ZFHX4: variants seen among roughly 807,000 people sequenced by gnomAD.
ZFHX4 encodes the protein zinc finger homeobox protein 4.
ZFHX4 carries 56 observed loss-of-function variants against 267.6 expected under a neutral mutation model. That is an observed-to-expected ratio of 0.21 (90% CI 0.17 to 0.26). The LOEUF is 0.26. ZFHX4 is among the 10% of genes least tolerant of loss of function. The pLI, the probability that ZFHX4 is intolerant of heterozygous loss-of-function variation, is 1.00. For synonymous variants in ZFHX4, 1,778 were observed against 1,665.6 expected (o/e 1.07, Z -1.64); for missense variants, 4,332 against 4,420.0 (o/e 0.98, Z 0.56).
rs979155259 is a variant in ZFHX4, at chr8:76,864,435, C to G, written c.10721C>G (p.Ser3574Ter). ...VQTSLPTESCSDESDSELSQK... is the reference protein window; with the variant it reads ...VQTSLPTESC ...ACCTCACTACCCACAGAAAGTTGTT[C>G]AGATGAGTCTGACAGTGAGCTGAGC... The change falls in exon 11 of 11, where the codon TCA becomes TGA. Residue 3574 changes from serine to a stop codon, truncating the protein, a stop_gained. Coordinates refer to ENST00000651372, the MANE Select transcript of ZFHX4 (RefSeq NM_024721.5). LOFTEE classifies it high-confidence loss of function. 2 of 1,613,556 alleles carry G rather than the reference C, an allele frequency of 1.2e-6. No individual in the cohort carries two copies. Among genetic ancestry groups the G allele is most frequent in the Admixed American group, 1.7e-5 (1 of 59,954 alleles).
Position 76,847,852 on chromosome 8 carries a change from A to T in ZFHX4, c.3512-1143A>T, listed in dbSNP as rs572691143. On this transcript the variant is annotated intron_variant, in intron 6 of 10. Transcript: ENST00000651372. ...GTTCATTCATATGAACCGTATGTGG[A>T]TTGAAAAAAAATCAAGATAAATCTT... Among the ~76,000 whole-genome samples, 26 of 152,122 alleles carry T rather than the reference A, an allele frequency of 1.7e-4. No homozygotes were observed. In the South Asian group the frequency reaches 5.4e-3, roughly 32 times the overall value.
intron 2 of ZFHX4, 78 bp from the exon 3 acceptor site, chr8:76,707,468 G>A (rs1006650253): frequency 7.6e-7 from 1 of 1,316,308 alleles, no homozygotes; most frequent in African/African-American, 1.5e-5. Flanking sequence ...TCCTTGTCAA[G>A]ACTTTATTTT....
chr8:76,691,886 A>G (rs1368849), intron 1 of ZFHX4, among the ~76,000 whole-genome samples: 17,218 of 152,158 alleles, frequency 0.11, 1,609 homozygotes, highest in African/African-American at 0.25. Flanking sequence ...CATTTGGTAA[A>G]GCAAGTCTAC....
intron 3 of ZFHX4, among the ~76,000 whole-genome samples, chr8:76,769,496 A>G (rs1197396694): frequency 1.3e-5 from 2 of 151,994 alleles, no homozygotes; most frequent in African/African-American, 2.4e-5. Context: ...ACTACAGGCA[A>G]TGAGTCACTA....
Position 76,864,144 on chromosome 8 carries a change from A to G in ZFHX4, c.10430A>G (p.Lys3477Arg), listed in dbSNP as rs78947060. The G allele has an allele frequency of 7.0e-5, 113 of 1,613,788 alleles. No homozygotes were observed. Among genetic ancestry groups the G allele is most frequent in the Non-Finnish European group, 9.3e-5 (110 of 1,179,850 alleles). ...QSSLHKEKTI[K>R]QAMRNAKEHV... The stretch of plus-strand genomic sequence containing the variant: ...AGCTTGCACAAAGAGAAAACAATCA[A>G]ACAAGCAATGAGAAATGCCAAAGAG... Residue 3477 changes from lysine (K) to arginine (R), a missense_variant, in exon 11 of 11, where the codon AAA becomes AGA. Around this residue, in one of 7 missense-constraint regions of ZFHX4, gnomAD observed 1,648 missense variants for 1,625.0 expected, o/e 1.01. Coordinates refer to ENST00000651372, the MANE Select transcript of ZFHX4 (RefSeq NM_024721.5).
At chr8:76,833,192 G>A in intron 4 of ZFHX4, 146 bp from the exon 5 acceptor site, 1 of 608,922 alleles carries the variant, frequency 1.6e-6, no homozygotes, top group Non-Finnish European at 3.0e-6. Context: ...TGCTCACTAG[G>A]ATATAATGTG....
intron 3 of ZFHX4, 104 bp downstream of exon 3, chr8:76,708,152 A>G: frequency 6.9e-7 from 1 of 1,456,034 alleles, no homozygotes; most frequent in South Asian, 1.2e-5. Flanking sequence ...AAAAGAGAAA[A>G]AACATCAAAG....
chr8:76,719,897 G>T (rs1241068569), intron 3 of ZFHX4, among the ~76,000 whole-genome samples: 2 of 152,082 alleles, frequency 1.3e-5, no homozygotes, highest in African/African-American at 4.8e-5. Context: ...GAAAGGGAAA[G>T]GACTAAAGTG....
intron 3 of ZFHX4, among the ~76,000 whole-genome samples, chr8:76,730,727 T>C (rs1808986670): frequency 6.6e-6 from 1 of 151,944 alleles, no homozygotes; most frequent in Admixed American, 6.6e-5. Context: ...TAAATAAAAC[T>C]ATTTTAAAGG....
At chr8:76,846,643 A>G (rs1429451522) in intron 6 of ZFHX4, among the ~76,000 whole-genome samples, 1 of 152,114 alleles carries the variant, frequency 6.6e-6, no homozygotes, top group African/African-American at 2.4e-5. Flanking sequence ...TTCTTAATAT[A>G]CATGGTATTA....
At chr8:76,745,040 A>G (rs1809423248) in intron 3 of ZFHX4, among the ~76,000 whole-genome samples, 1 of 152,184 alleles carries the variant, frequency 6.6e-6, no homozygotes, top group Non-Finnish European at 1.5e-5. Context: ...ATGACATAGC[A>G]TTCAGCCTTG....
chr8:76,786,095 T>G (rs1810681597), intron 4 of ZFHX4, among the ~76,000 whole-genome samples: 1 of 152,160 alleles, frequency 6.6e-6, no homozygotes, highest in African/African-American at 2.4e-5. Context: ...ATTTTTAAAT[T>G]TACACAGCTC....
At chr8:76,689,676 G>A (rs1563460921) in intron 1 of ZFHX4, among the ~76,000 whole-genome samples, 2 of 152,090 alleles carry the variant, frequency 1.3e-5, no homozygotes, top group African/African-American at 2.4e-5. Flanking sequence ...AGGTTCACAA[G>A]TTGCCTTGAA....
intron 3 of ZFHX4, among the ~76,000 whole-genome samples, chr8:76,714,116 A>G (rs906705010): frequency 6.6e-6 from 1 of 152,088 alleles, no homozygotes. Flanking sequence ...TTTATCACCC[A>G]CCCTGAGGTC....
At chr8:76,817,285 A>AT (rs1446833476) in intron 4 of ZFHX4, among the ~76,000 whole-genome samples, 1 of 152,080 alleles carries the variant, frequency 6.6e-6, no homozygotes, top group Non-Finnish European at 1.5e-5. Context: ...TGCTCATAAG[A>AT]TTTTTTTCTT....
At chr8:76,861,978 C>T (rs1488240452) in intron 10 of ZFHX4, among the ~76,000 whole-genome samples, 1 of 152,068 alleles carries the variant, frequency 6.6e-6, no homozygotes, top group Non-Finnish European at 1.5e-5. Context: ...TGAGCCTTCC[C>T]TTGTTCAAGA....
At chr8:76,814,048 C>A (rs1037913301) in intron 4 of ZFHX4, among the ~76,000 whole-genome samples, 6 of 151,964 alleles carry the variant, frequency 3.9e-5, no homozygotes, top group Non-Finnish European at 8.8e-5. Flanking sequence ...TCATGCTATT[C>A]TTCCGTAACA....
In ZFHX4 at chr8:76,854,585, C is replaced by G. The variant is rs1175278831; in HGVS notation, c.7664C>G (p.Ser2555Cys). ...ATGACTGGACAACTGCTGGGCAGTTCCCTCACTCAAATGCCCCCTCAGGCC... is the reference window on the plus strand; with the variant it reads ...ATGACTGGACAACTGCTGGGCAGTTGCCTCACTCAAATGCCCCCTCAGGCC... The part of the protein sequence containing the change: ...PLMTGQLLGS[S>C]LTQMPPQASS... Residue 2555 changes from serine to cysteine, a missense_variant, in exon 10 of 11, where the codon TCC becomes TGC. Physicochemically the swap from Ser to Cys is moderately radical, Grantham distance 112 (BLOSUM62 -1). Transcript: ENST00000651372. 2 of 1,613,722 alleles carry G rather than the reference C, an allele frequency of 1.2e-6. No homozygotes were observed. Among genetic ancestry groups the G allele is most frequent in the Non-Finnish European group, 1.7e-6 (2 of 1,179,834 alleles).
intron 4 of ZFHX4, among the ~76,000 whole-genome samples, chr8:76,802,097 G>A (rs980185415): frequency 2.0e-5 from 3 of 152,108 alleles, no homozygotes; most frequent in Admixed American, 6.6e-5. Flanking sequence ...GCATAGAATC[G>A]CGAATGAGAT....
Sources: allele counts gnomAD v4.1 joint callset (sites outside exome capture counted in the v4.1 genomes callset), GRCh38; gene constraint gnomAD v4.1.1; regional missense constraint gnomAD v4.1.1; transcripts MANE v1.5; gene names NCBI Gene and HGNC (gene_info 2026-07-23, HGNC 2026-07-21).